Variants in STX18 observed in about 807,000 individuals in gnomAD.
STX18 encodes the protein syntaxin 18, also known as syntaxin-18.
In STX18, 40 loss-of-function variants were observed where a neutral mutation model predicts 50.1. That is an observed-to-expected ratio of 0.80 (90% confidence interval 0.62 to 1.04). The LOEUF is 1.04. STX18 is among the 50% of genes least tolerant of loss of function. STX18 has a pLI of 0.00. For missense variants in STX18, 410 were observed against 415.8 expected, an observed-to-expected ratio of 0.99 and a Z score of 0.12; for synonymous variants, 158 against 151.8, an observed-to-expected ratio of 1.04 and a Z score of -0.30.
In STX18 at chr4:4,435,900, C is replaced by T. The variant is rs577336208; in HGVS notation, c.614-1042G>A. Reference sequence around the variant, plus strand: ...GTAAGAGGTCTGTGCAGTTCATCACCGGGGTAGGGTTGGGAGCGGAGGGGA... The same window carrying T: ...GTAAGAGGTCTGTGCAGTTCATCACTGGGGTAGGGTTGGGAGCGGAGGGGA... On this transcript the variant is annotated intron_variant, in intron 6 of 10. Transcript: ENST00000306200. 8.5e-5 allele frequency among the ~76,000 whole-genome samples: 13 copies of T among 152,228 alleles called. 1 individual carries two copies. The South Asian group carries it at 2.1e-3, about 24-fold the overall frequency.
intron 2 of STX18, among the ~76,000 whole-genome samples, chr4:4,465,034 C>T (rs1438654304): frequency 1.3e-5 from 2 of 151,722 alleles, no homozygotes; most frequent in Non-Finnish European, 2.9e-5. Flanking sequence ...GGTGTTAACT[C>T]GAGATCTTTT....
At chr4:4,482,032 G>GCCTCCTCCTT (rs1241669791) in intron 1 of STX18, among the ~76,000 whole-genome samples, 1 of 152,106 alleles carries the variant, frequency 6.6e-6, no homozygotes, top group East Asian at 1.9e-4. Flanking sequence ...CCCTGCTCCT[G>GCCTCCTCCTT]CCTCCTCCTT....
At chr4:4,480,382 C>T (rs541144054) in intron 1 of STX18, among the ~76,000 whole-genome samples, 23 of 152,272 alleles carry the variant, frequency 1.5e-4, no homozygotes, top group South Asian at 6.2e-4. Context: ...TGTCTCCAGA[C>T]GCAAAGCCCT....
intron 5 of STX18, among the ~76,000 whole-genome samples, chr4:4,448,364 C>CA (rs1307573741): frequency 6.7e-6 from 1 of 148,732 alleles, no homozygotes; most frequent in East Asian, 1.9e-4. Flanking sequence ...TTTTTTTTGA[C>CA]AGAGTCTCAC....
chr4:4,453,797 A>ATTGAGGTAGTGTGAAG, intron 5 of STX18: 2 of 333,714 alleles, frequency 6.0e-6, no homozygotes, highest in Non-Finnish European at 8.5e-6. Context: ...GAGATGCTTC[A>ATTGAGGTAGTGTGAAG]CACTACCTCA....
At chr4:4,473,276 C>A (rs985706776) in intron 1 of STX18, among the ~76,000 whole-genome samples, 5 of 151,236 alleles carry the variant, frequency 3.3e-5, no homozygotes, top group African/African-American at 9.7e-5. Context: ...ACTTAGGCTG[C>A]ATCAGGAAAT....
chr4:4,429,551 G>A (rs187047545), intron 7 of STX18, among the ~76,000 whole-genome samples: 240 of 152,280 alleles, frequency 1.6e-3, no homozygotes, highest in Non-Finnish European at 1.5e-3. Context: ...CATAGCTCAG[G>A]AGTCCCCTGC....
chr4:4,456,263 C>CAA (rs199790349), intron 5 of STX18, among the ~76,000 whole-genome samples: 1 of 146,964 alleles, frequency 6.8e-6, no homozygotes, highest in East Asian at 2.0e-4. Context: ...GTCTCAAAAA[C>CAA]AAAAAAAACA....
At chr4:4,504,376 A>T (rs554163705) in intron 1 of STX18, among the ~76,000 whole-genome samples, 17 of 152,308 alleles carry the variant, frequency 1.1e-4, no homozygotes, top group African/African-American at 3.6e-4. Context: ...CAGGGAATTC[A>T]TTCATTCATT....
At chr4:4,443,933 A>G (rs1032515538) in intron 5 of STX18, among the ~76,000 whole-genome samples, 5 of 152,376 alleles carry the variant, frequency 3.3e-5, no homozygotes, top group African/African-American at 9.6e-5. Context: ...TGCACATTCC[A>G]AGGAAAAAAC....
At chr4:4,497,121 G>A (rs1394317426) in intron 1 of STX18, among the ~76,000 whole-genome samples, 1 of 152,192 alleles carries the variant, frequency 6.6e-6, no homozygotes, top group African/African-American at 2.4e-5. Context: ...GGTGGACACT[G>A]TCCAGGCTCC....
chr4:4,475,334 C>A (rs1728123694), intron 1 of STX18, among the ~76,000 whole-genome samples: 1 of 151,922 alleles, frequency 6.6e-6, no homozygotes, highest in Non-Finnish European at 1.5e-5. Flanking sequence ...TAAATTACAT[C>A]AGTATAATAA....
intron 1 of STX18, among the ~76,000 whole-genome samples, chr4:4,506,248 T>G (rs1231864381): frequency 6.6e-6 from 1 of 152,214 alleles, no homozygotes; most frequent in Non-Finnish European, 1.5e-5. Flanking sequence ...TATACAAACA[T>G]TTGTAGCAGT....
intron 2 of STX18, among the ~76,000 whole-genome samples, chr4:4,461,346 A>G (rs1291542979): frequency 6.6e-6 from 1 of 152,204 alleles, no homozygotes; most frequent in South Asian, 2.1e-4. Flanking sequence ...ATCTACCAGA[A>G]GTGGAGACAT....
chr4:4,453,303 A>G (rs1471641952), intron 5 of STX18, among the ~76,000 whole-genome samples: 1 of 152,186 alleles, frequency 6.6e-6, no homozygotes, highest in Non-Finnish European at 1.5e-5. Context: ...AGCAAACTTC[A>G]TTGTTGTCTT....
At chr4:4,503,236 C>T (rs781240468) in intron 1 of STX18, among the ~76,000 whole-genome samples, 5 of 152,126 alleles carry the variant, frequency 3.3e-5, no homozygotes, top group South Asian at 2.1e-4. Context: ...CAGCTCTTAA[C>T]GTCACTAAGA....
At chr4:4,451,067 G>C (rs1293049015) in intron 5 of STX18, among the ~76,000 whole-genome samples, 1 of 152,198 alleles carries the variant, frequency 6.6e-6, no homozygotes, top group Non-Finnish European at 1.5e-5. Context: ...ACTAGTTGAA[G>C]CCAATTTGGG....
intron 5 of STX18, among the ~76,000 whole-genome samples, chr4:4,441,958 G>C (rs937230973): frequency 1.4e-4 from 22 of 152,270 alleles, no homozygotes; most frequent in African/African-American, 5.1e-4. Context: ...GTAAATGCTC[G>C]AATCTAGGGT....
At chr4:4,430,557 C>T (rs1024973723) in intron 7 of STX18, among the ~76,000 whole-genome samples, 2 of 152,216 alleles carry the variant, frequency 1.3e-5, no homozygotes, top group Admixed American at 6.5e-5. Context: ...TTGATACTAC[C>T]ATGCTAGAGC....
Sources: allele counts gnomAD v4.1 joint callset (sites outside exome capture counted in the v4.1 genomes callset), GRCh38; gene constraint gnomAD v4.1.1; transcripts MANE v1.5; gene names NCBI Gene and HGNC (gene_info 2026-07-23, HGNC 2026-07-21).